Variants in CECR2 observed in about 807,000 individuals in gnomAD.
CECR2 encodes CECR2 histone acetyl-lysine reader.
CECR2 carries 30 observed loss-of-function variants against 154.5 expected under a neutral mutation model. The ratio of observed to expected loss-of-function variants is 0.19; its 90% CI spans 0.15 to 0.26. The LOEUF (loss-of-function observed/expected upper bound fraction) is 0.26. CECR2 is among the 10% of genes least tolerant of loss of function. CECR2 has a pLI of 1.00. For missense variants in CECR2, 1,743 were observed against 1,829.3 expected, an observed-to-expected ratio of 0.95 and a Z score of 0.86; for synonymous variants, 725 against 683.7, an observed-to-expected ratio of 1.06 and a Z score of -0.94.
rs143595262 is a variant in CECR2, at chr22:17,524,110, C to T, written c.955-8C>T. On this transcript the variant is annotated splice_polypyrimidine_tract_variant and splice_region_variant and intron_variant, in intron 8 of 18. Transcript: ENST00000262608. ...TACTGACCGGATGTGCTCATTGGCT[C>T]CTCACAGGAGACTCCTGTGCTGACC... is the stretch of plus-strand genomic sequence containing the variant. The T allele has an allele frequency of 9.8e-4, 1,548 of 1,577,228 alleles. 13 individuals are homozygous for T. The African/African-American group carries it at 0.018, about 19-fold the overall frequency.
At chr22:17,421,718 G>A (rs1367937083) in intron 1 of CECR2, among the ~76,000 whole-genome samples, 2 of 149,490 alleles carry the variant, frequency 1.3e-5, no homozygotes, top group African/African-American at 4.9e-5. Context: ...GCTTGAACCC[G>A]GGAGGCAGAG....
intron 10 of CECR2, 132 bp from the exon 11 acceptor site, chr22:17,538,388 G>T: frequency 1.3e-6 from 1 of 787,476 alleles, no homozygotes. Flanking sequence ...CAGTGTCACA[G>T]GCTCATCTAA....
At chr22:17,552,240 T>C (rs1424435982) in intron 18 of CECR2, 98 bp downstream of exon 18, 3 of 1,091,304 alleles carry the variant, frequency 2.7e-6, no homozygotes, top group African/African-American at 3.1e-5. Flanking sequence ...TTTTAAGGTA[T>C]CCTGTGGATA....
At chr22:17,478,298 A>AG (rs1337718454) in intron 2 of CECR2, among the ~76,000 whole-genome samples, 1 of 151,152 alleles carries the variant, frequency 6.6e-6, no homozygotes, top group Admixed American at 6.6e-5. Context: ...GATGCCATGT[A>AG]GGGGGTTTGA....
chr22:17,477,480 C>A, intron 1 of CECR2, 108 bp from the exon 2 acceptor site: 1 of 747,468 alleles, frequency 1.3e-6, no homozygotes, highest in Non-Finnish European at 2.3e-6. Context: ...CAAGTCCTTC[C>A]GCTGCTGGGA....
intron 2 of CECR2, among the ~76,000 whole-genome samples, chr22:17,488,163 G>A (rs61587826): frequency 0.023 from 3,571 of 152,194 alleles, 158 homozygotes; most frequent in African/African-American, 0.081. Flanking sequence ...GATTACAGGC[G>A]TGAGCCACCG....
At chr22:17,449,152 T>TA (rs1218883602) in intron 1 of CECR2, among the ~76,000 whole-genome samples, 3 of 152,174 alleles carry the variant, frequency 2.0e-5, no homozygotes, top group African/African-American at 7.2e-5. Context: ...GTGCTGGAAT[T>TA]ACAGGTGTGA....
intron 2 of CECR2, among the ~76,000 whole-genome samples, chr22:17,483,559 C>T (rs924028188): frequency 7.9e-5 from 12 of 151,786 alleles, no homozygotes; most frequent in East Asian, 1.9e-4. Flanking sequence ...CAGTGAGCTA[C>T]GGTCCCTACT....
intron 9 of CECR2, among the ~76,000 whole-genome samples, chr22:17,535,797 A>G (rs1335551452): frequency 6.6e-6 from 1 of 152,050 alleles, no homozygotes; most frequent in African/African-American, 2.4e-5. Flanking sequence ...ACTTCTTTTC[A>G]TTGATTAAAG....
At chr22:17,457,637 A>G (rs2054874833) in intron 1 of CECR2, among the ~76,000 whole-genome samples, 1 of 152,182 alleles carries the variant, frequency 6.6e-6, no homozygotes, top group Non-Finnish European at 1.5e-5. Flanking sequence ...ATAAACATCC[A>G]TTTACCATAT....
At chr22:17,408,878 A>G (rs980000660) in intron 1 of CECR2, among the ~76,000 whole-genome samples, 10 of 152,150 alleles carry the variant, frequency 6.6e-5, no homozygotes, top group African/African-American at 2.4e-4. Flanking sequence ...GTCCCTTACC[A>G]TTGCTTAGTG....
intron 5 of CECR2, among the ~76,000 whole-genome samples, chr22:17,501,408 AT>A (rs1390547496): frequency 1.3e-5 from 2 of 152,126 alleles, no homozygotes; most frequent in African/African-American, 4.8e-5. Flanking sequence ...AATACAAAAA[AT>A]TAGCCAGTCG....
rs116169618 is a variant in CECR2, at chr22:17,444,350, G to A, written c.127-33238G>A. ...GAGTAATTAAAAATAGCCTTGGCCA[G>A]GTGCAGTGGCTCATGCCTGTAATCC... On this transcript the variant is annotated intron_variant, in intron 1 of 18. Coordinates refer to ENST00000262608, the MANE Select transcript of CECR2 (RefSeq NM_001290047.2). Among the ~76,000 whole-genome samples, 311 of 152,270 alleles carry A rather than the reference G, an allele frequency of 2.0e-3. 2 individuals carry two copies. Among genetic ancestry groups the A allele is most frequent in the African/African-American group, 7.2e-3 (298 of 41,538 alleles).
chr22:17,463,757 G>A (rs1601401309), intron 1 of CECR2, among the ~76,000 whole-genome samples: 1 of 152,004 alleles, frequency 6.6e-6, no homozygotes. Flanking sequence ...AGGTGGGGGG[G>A]TGTAATGAGA....
intron 1 of CECR2, among the ~76,000 whole-genome samples, chr22:17,468,538 C>T (rs1569101892): frequency 6.6e-6 from 1 of 151,890 alleles, no homozygotes; most frequent in Non-Finnish European, 1.5e-5. Flanking sequence ...TTTTAATTAG[C>T]AGAGTTTGTT....
chr22:17,459,559 C>CT (rs201098679), intron 1 of CECR2, among the ~76,000 whole-genome samples: 1,779 of 152,238 alleles, frequency 0.012, 29 homozygotes, highest in African/African-American at 0.039. Flanking sequence ...GGGACTCCCC[C>CT]GGCGTCGGCC....
At chr22:17,385,244 C>T (rs1341663805) in intron 1 of CECR2, among the ~76,000 whole-genome samples, 1 of 152,162 alleles carries the variant, frequency 6.6e-6, no homozygotes, top group Admixed American at 6.5e-5. Flanking sequence ...ATAACTTTTC[C>T]TTTGCATTCA....
intron 1 of CECR2, among the ~76,000 whole-genome samples, chr22:17,459,693 A>G (rs2054907970): frequency 6.6e-6 from 1 of 152,236 alleles, no homozygotes; most frequent in South Asian, 2.1e-4. Flanking sequence ...AAATTATTAT[A>G]GTTGCTTCTT....
intron 2 of CECR2, among the ~76,000 whole-genome samples, chr22:17,495,620 C>G (rs1187345811): frequency 6.8e-6 from 1 of 147,454 alleles, no homozygotes; most frequent in Admixed American, 6.9e-5. Flanking sequence ...CCCAGCACTT[C>G]GGGAGGCCGA....
Sources: allele counts gnomAD v4.1 joint callset (sites outside exome capture counted in the v4.1 genomes callset), GRCh38; gene constraint gnomAD v4.1.1; transcripts MANE v1.5; gene names NCBI Gene and HGNC (gene_info 2026-07-23, HGNC 2026-07-21).